ADAM12: variants seen among roughly 807,000 people sequenced by gnomAD.
ADAM12 encodes the protein ADAM metallopeptidase domain 12.
A neutral mutation model predicts 106.4 loss-of-function variants in ADAM12; 70 were observed. That is an observed-to-expected ratio of 0.66 (90% CI 0.54 to 0.80). The LOEUF (loss-of-function observed/expected upper bound fraction) is 0.80. Among genes scored for constraint, ADAM12 ranks in the 30% least tolerant of loss-of-function variants. The pLI is 0.00. For synonymous variants in ADAM12, 420 were observed against 433.5 expected (o/e 0.97, Z 0.39); for missense variants, 1,010 against 1,171.9 (o/e 0.86, Z 2.02).
At chr10:126,143,362 C>T (rs1956557695) in intron 4 of ADAM12, among the ~76,000 whole-genome samples, 1 of 138,816 alleles carries the variant, frequency 7.2e-6, no homozygotes, top group Admixed American at 7.4e-5. Context: ...TGTATATATA[C>T]ATGTGTATAT....
chr10:126,026,822 TAAAGTTAAC>T (rs1243253238), intron 21 of ADAM12, among the ~76,000 whole-genome samples: 3 of 151,878 alleles, frequency 2.0e-5, no homozygotes, highest in African/African-American at 4.8e-5. Context: ...GCTAGAAAGA[TAAAGTTAAC>T]AAAGTTAACA....
chr10:126,094,091 G>C lies in ADAM12; in HGVS notation c.1039C>G (p.His347Asp). 6.2e-7 allele frequency: 1 copy of C among 1,614,158 alleles called. No individual in the cohort carries two copies. ...NPLGAAVTLAHELGHNFGMNH... is the reference protein window; with the variant it reads ...NPLGAAVTLADELGHNFGMNH... ...ATCCCGAAATTGTGGCCCAGCTCATGTGCCAGGGTCACGGCTGCACCAAGG... is the reference window on the plus strand; with the variant it reads ...ATCCCGAAATTGTGGCCCAGCTCATCTGCCAGGGTCACGGCTGCACCAAGG... Residue 347 changes from histidine to aspartate, a missense_variant, in exon 11 of 23, where the codon CAT (histidine) becomes GAT (aspartate). Around this residue, in one of 3 missense-constraint regions of ADAM12, gnomAD observed 391 missense variants for 442.9 expected, o/e 0.88. Transcript: ENST00000448723.
chr10:126,313,816 C>T (rs530629807), intron 2 of ADAM12, among the ~76,000 whole-genome samples: 8 of 152,170 alleles, frequency 5.3e-5, no homozygotes, highest in Middle Eastern at 3.4e-3. Flanking sequence ...GAAAGGCAGA[C>T]ATTAAACGAG....
intron 3 of ADAM12, among the ~76,000 whole-genome samples, chr10:126,248,681 G>GTATTTATTTATT (rs1412113649): frequency 1.9e-4 from 6 of 31,786 alleles, no homozygotes; most frequent in Middle Eastern, 0.019. Context: ...ATGTATGTAT[G>GTATTTATTTATT]TATGTATTTA....
chr10:126,050,427 A>G (rs1162429530), intron 14 of ADAM12, among the ~76,000 whole-genome samples: 3 of 152,230 alleles, frequency 2.0e-5, no homozygotes, highest in African/African-American at 7.2e-5. Context: ...ATGTCTGTTG[A>G]AGACTATTGA....
chr10:126,019,479 G>A (rs1156815374), intron 22 of ADAM12, among the ~76,000 whole-genome samples: 1 of 152,218 alleles, frequency 6.6e-6, no homozygotes, highest in Non-Finnish European at 1.5e-5. Context: ...CACTGTGGCT[G>A]TTGATAGGCA....
At chr10:126,171,793 C>T (rs373947714) in intron 3 of ADAM12, among the ~76,000 whole-genome samples, 8 of 152,208 alleles carry the variant, frequency 5.3e-5, no homozygotes, top group East Asian at 1.9e-4. Flanking sequence ...CAGAAGAATA[C>T]TTCCTGTAAA....
intron 3 of ADAM12, among the ~76,000 whole-genome samples, chr10:126,268,710 G>A (rs565773169): frequency 2.9e-4 from 44 of 152,226 alleles, no homozygotes; most frequent in Non-Finnish European, 5.4e-4. Flanking sequence ...CACAGACAGG[G>A]CTCAACTCCA....
At chr10:126,211,455 T>C (rs1360053102) in intron 3 of ADAM12, among the ~76,000 whole-genome samples, 1 of 152,186 alleles carries the variant, frequency 6.6e-6, no homozygotes, top group African/African-American at 2.4e-5. Context: ...TTAAGAACCA[T>C]GGGATCCTGG....
intron 1 of ADAM12, among the ~76,000 whole-genome samples, chr10:126,380,188 A>G (rs1006007658): frequency 6.6e-6 from 1 of 152,242 alleles, no homozygotes; most frequent in African/African-American, 2.4e-5. Flanking sequence ...TGGGCATTCA[A>G]CAAAGCACAA....
At chr10:126,334,910 C>T (rs998195946) in intron 1 of ADAM12, among the ~76,000 whole-genome samples, 20 of 152,188 alleles carry the variant, frequency 1.3e-4, no homozygotes, top group Non-Finnish European at 2.1e-4. Context: ...GACTCCTCCT[C>T]GATTTATTTT....
intron 3 of ADAM12, among the ~76,000 whole-genome samples, chr10:126,259,777 A>G (rs1167881069): frequency 1.3e-5 from 2 of 152,250 alleles, no homozygotes; most frequent in Non-Finnish European, 2.9e-5. Flanking sequence ...ACTCCTAAAA[A>G]AAGTTCCAAA....
chr10:126,326,453 G>A (rs1854307181), intron 2 of ADAM12, among the ~76,000 whole-genome samples: 1 of 152,092 alleles, frequency 6.6e-6, no homozygotes, highest in Non-Finnish European at 1.5e-5. Context: ...CCAAAACACA[G>A]GGGTTGTCCT....
At chr10:126,205,784 A>G (rs1179240845) in intron 3 of ADAM12, among the ~76,000 whole-genome samples, 1 of 152,214 alleles carries the variant, frequency 6.6e-6, no homozygotes, top group Non-Finnish European at 1.5e-5. Flanking sequence ...GATGTATAAC[A>G]TGTTACTGTC....
chr10:126,158,081 G>T (rs530277846), intron 3 of ADAM12, among the ~76,000 whole-genome samples: 1 of 152,220 alleles, frequency 6.6e-6, no homozygotes, highest in Non-Finnish European at 1.5e-5. Context: ...GCAGAGAGGC[G>T]GGATGTGAAA....
intron 4 of ADAM12, among the ~76,000 whole-genome samples, chr10:126,147,956 CT>C (rs1186752160): frequency 6.6e-6 from 1 of 152,174 alleles, no homozygotes; most frequent in East Asian, 1.9e-4. Context: ...AGCATCTAGC[CT>C]TTTTGGGGAC....
In ADAM12 at chr10:126,066,919, G is replaced by T; in HGVS notation, c.1324-113C>A. On this transcript the variant is annotated intron_variant, in intron 12 of 22. Coordinates refer to ENST00000448723, the MANE Select transcript of ADAM12 (RefSeq NM_001288973.2). This position sits in a 1 kb window ranked among gnomAD's most constrained non-coding sequence, Gnocchi z 5.1. Reference sequence around the variant, plus strand: ...AAGCAAGAAAGACCAAGAGGGCCCAGCTCCTGAACTGCACACCTGCCTGTT... The same window carrying T: ...AAGCAAGAAAGACCAAGAGGGCCCATCTCCTGAACTGCACACCTGCCTGTT... 1.0e-6 allele frequency: 1 copy of T among 966,264 alleles called. No homozygotes were observed. Among genetic ancestry groups the T allele is most frequent in the Non-Finnish European group, 1.6e-6 (1 of 625,114 alleles). The allele number at this position is 966,264 out of a possible 1,614,324, so 59.9% of individuals were successfully genotyped here.
intron 3 of ADAM12, among the ~76,000 whole-genome samples, chr10:126,266,883 A>G (rs1959108025): frequency 1.3e-5 from 2 of 152,280 alleles, no homozygotes; most frequent in South Asian, 4.2e-4. Flanking sequence ...ATGCCGCTAA[A>G]CCACGCAGAA....
intron 2 of ADAM12, among the ~76,000 whole-genome samples, chr10:126,302,834 T>A (rs1960682622): frequency 6.6e-6 from 1 of 152,226 alleles, no homozygotes; most frequent in Non-Finnish European, 1.5e-5. Flanking sequence ...ATGCCCTGTG[T>A]GTATTTTTGA....
Sources: allele counts gnomAD v4.1 joint callset (sites outside exome capture counted in the v4.1 genomes callset), GRCh38; gene constraint gnomAD v4.1.1; regional missense constraint gnomAD v4.1.1; non-coding constraint Gnocchi (gnomAD v3.1); transcripts MANE v1.5; gene names NCBI Gene and HGNC (gene_info 2026-07-23, HGNC 2026-07-21).